Variants in CCDC33 observed in about 807,000 individuals in gnomAD.
The protein encoded by CCDC33 is coiled-coil domain containing 33, also known as coiled-coil domain-containing protein 33.
Under a neutral mutation model 91.9 loss-of-function variants are expected in CCDC33, and 94 were observed. The ratio of observed to expected loss-of-function variants is 1.02; its 90% CI spans 0.87 to 1.21. The LOEUF (loss-of-function observed/expected upper bound fraction) is 1.21, where lower values mean the gene tolerates loss of function less well. Among genes scored for constraint, CCDC33 ranks in the 50% most tolerant of loss-of-function variants. CCDC33 has a pLI of 0.00. For synonymous variants in CCDC33, 396 were observed against 374.5 expected (o/e 1.06, Z -0.66); for missense variants, 940 against 935.5 (o/e 1.00, Z -0.06).
At chr15:74,239,077 A>G (rs12913651) in intron 1 of CCDC33, among the ~76,000 whole-genome samples, 70,683 of 152,076 alleles carry the variant, frequency 0.46, 19,388 homozygotes, top group Non-Finnish European at 0.63. Flanking sequence ...AAATAGCCCC[A>G]CTGCAGTCAA....
chr15:74,269,702 A>G (rs1427861682), intron 5 of CCDC33, among the ~76,000 whole-genome samples: 2 of 143,352 alleles, frequency 1.4e-5, no homozygotes, highest in South Asian at 2.5e-4. Context: ...TGCCTGGTAG[A>G]GCGGTAGAGT....
intron 7 of CCDC33, among the ~76,000 whole-genome samples, chr15:74,273,244 A>G (rs1184491091): frequency 6.6e-6 from 1 of 152,262 alleles, no homozygotes; most frequent in East Asian, 1.9e-4. Context: ...AGGAAAATTC[A>G]GAGTCAGAAT....
chr15:74,208,612 C>G (rs367672532), intron 1 of CCDC33, among the ~76,000 whole-genome samples: 2 of 152,108 alleles, frequency 1.3e-5, no homozygotes, highest in African/African-American at 4.8e-5. Context: ...CCCCAGTGTC[C>G]CCTGAGGGCA....
At chr15:74,267,197 G>A (rs1566982665) in intron 4 of CCDC33, among the ~76,000 whole-genome samples, 2 of 152,208 alleles carry the variant, frequency 1.3e-5, no homozygotes, top group Non-Finnish European at 2.9e-5. Context: ...ACATTTTGCA[G>A]ACATGGGACT....
chr15:74,335,497 A>AT (rs2060547082), intron 18 of CCDC33: 3 of 411,286 alleles, frequency 7.3e-6, no homozygotes, highest in Non-Finnish European at 1.3e-5. Flanking sequence ...CCCTTCTCAG[A>AT]TGGCCACGAT....
At chr15:74,248,206 C>T (rs193281382) in intron 2 of CCDC33, among the ~76,000 whole-genome samples, 2 of 151,906 alleles carry the variant, frequency 1.3e-5, no homozygotes, top group Non-Finnish European at 2.9e-5. Flanking sequence ...ATGATCACTG[C>T]GGAAAGTATA....
rs1281458594 is a variant in CCDC33 at position 74,335,906 on chromosome 15, C to T, written c.2140-19C>T. 2.5e-6 allele frequency: 4 copies of T among 1,605,144 alleles called. No individual in the cohort carries two copies. The African/African-American group carries it at 4.0e-5, about 16-fold the overall frequency. On this transcript the variant is annotated intron_variant, in intron 18 of 18. Coordinates refer to ENST00000398814, the MANE Select transcript of CCDC33 (RefSeq NM_025055.5). ...CTGGGAATGGGGGGTACTCACGCAC[C>T]CCGCTTTGCACACCACAGAGTGCCC... is the stretch of plus-strand genomic sequence containing the variant.
At chr15:74,234,132 T>C (rs996736894), upstream of CCDC33, among the ~76,000 whole-genome samples, 4 of 152,040 alleles carry the variant, frequency 2.6e-5, no homozygotes, top group African/African-American at 4.8e-5. Flanking sequence ...GATCCCTCCT[T>C]CCCCAAGAGC....
intron 18 of CCDC33, 107 bp downstream of exon 18, chr15:74,335,195 T>TCCTGACCC: frequency 1.1e-6 from 1 of 894,842 alleles, no homozygotes; most frequent in Non-Finnish European, 1.9e-6. Flanking sequence ...TGGAGCCAAC[T>TCCTGACCC]CCAGGGCTGG....
chr15:74,302,697 T>G (rs1311170171), intron 11 of CCDC33: 1 of 152,304 alleles, frequency 6.6e-6, no homozygotes, highest in Non-Finnish European at 1.5e-5. Flanking sequence ...TAGGCAAACC[T>G]GGATGGGGGC....
Position 74,218,534 on chromosome 15 carries a change from G to A in CCDC33, c.348G>A (p.Leu116=). Reference sequence around the variant, plus strand: ...ATGACGGGCAGCATGATGCTCAGCTGCATGTGGAGGCACTGAGGCTGGACG... The same window carrying A: ...ATGACGGGCAGCATGATGCTCAGCTACATGTGGAGGCACTGAGGCTGGACG... Residue 116 remains leucine (L), a synonymous_variant, in exon 2 of 3, where the codon CTG becomes CTA. Coordinates refer to the CCDC33 transcript ENST00000635913. This position sits in a 1 kb window ranked among gnomAD's most constrained non-coding sequence, Gnocchi z 4.8. 7.8e-7 allele frequency: 1 copy of A among 1,289,532 alleles called. No individual in the cohort carries two copies. Among genetic ancestry groups the A allele is most frequent in the Non-Finnish European group, 1.0e-6 (1 of 988,716 alleles). 79.9% of individuals were successfully genotyped at this position (1,289,532 alleles called of 1,614,324 possible).
upstream of CCDC33, among the ~76,000 whole-genome samples, chr15:74,215,401 T>C (rs1484182472): frequency 3.3e-5 from 5 of 152,168 alleles, no homozygotes; most frequent in Non-Finnish European, 5.9e-5. Context: ...TGTTGTTTAA[T>C]GGGTGTAGAG....
chr15:74,322,656 G>T (rs901091265), intron 11 of CCDC33, among the ~76,000 whole-genome samples: 1 of 152,222 alleles, frequency 6.6e-6, no homozygotes, highest in Non-Finnish European at 1.5e-5. Flanking sequence ...GAACTGGGGA[G>T]AGAGACAGCT....
chr15:74,242,993 C>T (rs368373362), intron 1 of CCDC33, among the ~76,000 whole-genome samples: 25 of 152,306 alleles, frequency 1.6e-4, no homozygotes, highest in African/African-American at 6.0e-4. Context: ...TCCCTGCTGT[C>T]TTCCCTGACC....
At chr15:74,286,007 G>A (rs1462046099) in intron 10 of CCDC33, among the ~76,000 whole-genome samples, 1 of 152,166 alleles carries the variant, frequency 6.6e-6, no homozygotes, top group Non-Finnish European at 1.5e-5. Context: ...CAAGACTTTA[G>A]GAGTCTGAGG....
At chr15:74,308,350 G>GACACACAC (rs1220945672) in intron 11 of CCDC33, among the ~76,000 whole-genome samples, 1 of 146,446 alleles carries the variant, frequency 6.8e-6, no homozygotes, top group African/African-American at 2.5e-5. Context: ...CATGTGTGCA[G>GACACACAC]ACAGACAGAC....
chr15:74,279,817 G>C (rs146272421), intron 7 of CCDC33, 146 bp from the exon 8 acceptor site: 34 of 1,091,654 alleles, frequency 3.1e-5, no homozygotes, highest in Non-Finnish European at 4.0e-5. Flanking sequence ...AATTACAGGC[G>C]TGAGCCACTG....
chr15:74,335,352 G>A, intron 18 of CCDC33: 3 of 599,912 alleles, frequency 5.0e-6, no homozygotes, highest in Non-Finnish European at 8.9e-6. Flanking sequence ...GGAGATGACT[G>A]TGGATGAGGG....
intron 10 of CCDC33, among the ~76,000 whole-genome samples, chr15:74,285,770 GCTGCTTAAAGTGAT>G (rs1445526859): frequency 6.6e-6 from 1 of 152,186 alleles, no homozygotes; most frequent in Non-Finnish European, 1.5e-5. Flanking sequence ...CTAGTCATTT[GCTGCTTAAAGTGAT>G]CTGCATTAAG....
Sources: allele counts gnomAD v4.1 joint callset (sites outside exome capture counted in the v4.1 genomes callset), GRCh38; gene constraint gnomAD v4.1.1; non-coding constraint Gnocchi (gnomAD v3.1); transcripts MANE v1.5; gene names NCBI Gene and HGNC (gene_info 2026-07-23, HGNC 2026-07-21).